PDZRN3: variants seen among roughly 807,000 people sequenced by gnomAD.
PDZRN3 encodes the protein PDZ domain containing ring finger 3.
PDZRN3 carries 38 observed loss-of-function variants against 85.7 expected under a neutral mutation model. That is an observed-to-expected ratio of 0.44 (90% confidence interval 0.34 to 0.58). The LOEUF is 0.58. Among genes scored for constraint, PDZRN3 ranks in the 20% least tolerant of loss-of-function variants. PDZRN3 has a pLI of 0.01. For missense variants in PDZRN3, 1,629 were observed against 1,506.4 expected (o/e 1.08, Z -1.35); for synonymous variants, 759 against 638.0 (o/e 1.19, Z -2.86).
rs1038045148 is a variant in PDZRN3, at chr3:73,624,852, G to A, written c.-27C>T. On this transcript the variant is annotated 5_prime_UTR_variant, in exon 1 of 10. Transcript: ENST00000263666. ...GTGGCGGCCAGGCCCCGGGGTCGCC[G>A]CCGGGCGGCCGGGCGCCCCCTCCCT... 3 of 1,267,182 alleles carry A rather than the reference G, an allele frequency of 2.4e-6. No homozygotes were observed. Among genetic ancestry groups the A allele is most frequent in the Middle Eastern group, 3.0e-4 (1 of 3,360 alleles). The allele number at this position is 1,267,182 out of a possible 1,614,324, so 78.5% of individuals were successfully genotyped here.
intron 3 of PDZRN3, among the ~76,000 whole-genome samples, chr3:73,462,729 A>C (rs888047346): frequency 2.6e-5 from 4 of 152,170 alleles, no homozygotes; most frequent in African/African-American, 9.7e-5. Context: ...GGTTATCCTC[A>C]TTCTGTCACT....
intron 3 of PDZRN3, among the ~76,000 whole-genome samples, chr3:73,555,803 T>G (rs1701681180): frequency 6.6e-6 from 1 of 152,154 alleles, no homozygotes; most frequent in African/African-American, 2.4e-5. Flanking sequence ...AATCAGCTAT[T>G]TAAAATGTAG....
intron 3 of PDZRN3, among the ~76,000 whole-genome samples, chr3:73,590,227 C>A (rs1430828145): frequency 7.3e-6 from 1 of 136,606 alleles, no homozygotes; most frequent in Non-Finnish European, 1.5e-5. Context: ...TGAGATCGCA[C>A]CACTGCACTC....
At chr3:73,555,909 T>C (rs1038468463) in intron 3 of PDZRN3, among the ~76,000 whole-genome samples, 1 of 152,236 alleles carries the variant, frequency 6.6e-6, no homozygotes, top group African/African-American at 2.4e-5. Flanking sequence ...ATAAATTCAA[T>C]TGTAACTCCA....
intron 3 of PDZRN3, among the ~76,000 whole-genome samples, chr3:73,545,277 A>T (rs1339759989): frequency 2.6e-5 from 4 of 152,310 alleles, no homozygotes; most frequent in Middle Eastern, 6.8e-3. Context: ...CATAGGTGAT[A>T]ATAACAGCAA....
intron 3 of PDZRN3, among the ~76,000 whole-genome samples, chr3:73,595,371 C>T (rs544117031): frequency 6.6e-6 from 1 of 152,266 alleles, no homozygotes; most frequent in South Asian, 2.1e-4. Context: ...TACTCCTCTG[C>T]TGAATATGGT....
intron 1 of PDZRN3, among the ~76,000 whole-genome samples, chr3:73,618,591 T>C (rs1459433157): frequency 8.4e-6 from 1 of 119,642 alleles, no homozygotes; most frequent in Admixed American, 9.4e-5. Flanking sequence ...ATGAATATTA[T>C]TTTCTTTTCT....
chr3:73,574,463 G>GT (rs1553704249), intron 3 of PDZRN3, among the ~76,000 whole-genome samples: 3,918 of 141,646 alleles, frequency 0.028, 99 homozygotes, highest in Non-Finnish European at 0.035. Flanking sequence ...GGGGTGGGGG[G>GT]GGTGGGGAGG....
chr3:73,433,775 T>TCATTGAAGCTAATACACAAA, intron 3 of PDZRN3: 1 of 1,530,016 alleles, frequency 6.5e-7, no homozygotes, highest in South Asian at 1.2e-5. Context: ...TCCCTTACAG[T>TCATTGAAGCTAATACACAAA]GCAGGCATTG....
At chr3:73,483,445 G>T (rs1703606055) in intron 3 of PDZRN3, among the ~76,000 whole-genome samples, 1 of 152,224 alleles carries the variant, frequency 6.6e-6, no homozygotes, top group South Asian at 2.1e-4. Context: ...CACAAATGCT[G>T]AAGTGTTTAC....
chr3:73,392,553 A>C (rs1258987454), intron 5 of PDZRN3, among the ~76,000 whole-genome samples: 1 of 152,144 alleles, frequency 6.6e-6, no homozygotes, highest in Non-Finnish European at 1.5e-5. Flanking sequence ...CAGAGTCACC[A>C]ACATGAGGCA....
chr3:73,593,398 C>T (rs886844631), intron 3 of PDZRN3, among the ~76,000 whole-genome samples: 5 of 152,118 alleles, frequency 3.3e-5, no homozygotes, highest in African/African-American at 1.2e-4. Context: ...AGATTTAAAA[C>T]TTCTGTGGAG....
chr3:73,405,768 C>CT (rs1445111838), intron 3 of PDZRN3, among the ~76,000 whole-genome samples: 1 of 152,202 alleles, frequency 6.6e-6, no homozygotes, highest in Non-Finnish European at 1.5e-5. Flanking sequence ...GGCATATATA[C>CT]ATTTTCCTCC....
intron 3 of PDZRN3, among the ~76,000 whole-genome samples, chr3:73,490,192 G>A (rs1160934385): frequency 6.6e-6 from 1 of 152,154 alleles, no homozygotes; most frequent in Non-Finnish European, 1.5e-5. Context: ...CCTCTGAAAG[G>A]TGGCAAAAGC....
intron 3 of PDZRN3, among the ~76,000 whole-genome samples, chr3:73,505,911 C>CACT (rs1704061877): frequency 2.0e-5 from 3 of 152,222 alleles, no homozygotes; most frequent in Non-Finnish European, 4.4e-5. Flanking sequence ...ACAGAGGAGG[C>CACT]ACTCAACCAT....
intron 1 of PDZRN3, 36 bp downstream of exon 1, chr3:73,624,066 TC>T: frequency 7.1e-7 from 1 of 1,405,998 alleles, no homozygotes; most frequent in Non-Finnish European, 9.2e-7. Flanking sequence ...TCCCCAGGGA[TC>T]CTGGCTGGAG....
At chr3:73,513,387 G>T (rs1704202147) in intron 3 of PDZRN3, among the ~76,000 whole-genome samples, 1 of 152,164 alleles carries the variant, frequency 6.6e-6, no homozygotes. Flanking sequence ...CTGCATAGAG[G>T]CTCTTCGGAA....
chr3:73,561,052 A>G (rs1245008324), intron 3 of PDZRN3, among the ~76,000 whole-genome samples: 1 of 152,250 alleles, frequency 6.6e-6, no homozygotes, highest in Non-Finnish European at 1.5e-5. Flanking sequence ...TTAGCAGAAC[A>G]TAACCACATA....
At chr3:73,479,188 G>GTA (rs1703513605) in intron 3 of PDZRN3, among the ~76,000 whole-genome samples, 1 of 152,106 alleles carries the variant, frequency 6.6e-6, no homozygotes, top group African/African-American at 2.4e-5. Context: ...TACTGTCATT[G>GTA]TATATCAGAA....
Sources: allele counts gnomAD v4.1 joint callset (sites outside exome capture counted in the v4.1 genomes callset), GRCh38; gene constraint gnomAD v4.1.1; transcripts MANE v1.5; gene names NCBI Gene and HGNC (gene_info 2026-07-23, HGNC 2026-07-21).